Variants in STAG2 observed in about 807,000 individuals in gnomAD.
The protein encoded by STAG2 is cohesin subunit SA-2.
Under a neutral mutation model 108.1 loss-of-function variants are expected in STAG2, and 14 were observed. That is an observed-to-expected ratio of 0.13 (90% CI 0.09 to 0.20). STAG2 has a LOEUF of 0.20. Among genes scored for constraint, STAG2 ranks in the 10% least tolerant of loss-of-function variants. The pLI, the probability that STAG2 is intolerant of heterozygous loss-of-function variation, is 1.00. For missense variants in STAG2, 440 were observed against 940.9 expected (o/e 0.47, Z 6.96); for synonymous variants, 307 against 302.7 (o/e 1.01, Z -0.15).
At chrX:123,979,845 G>A (rs1457780443) in intron 1 of STAG2, among the ~76,000 whole-genome samples, 1 of 111,722 alleles carries the variant, frequency 9.0e-6, no homozygotes, top group African/African-American at 3.3e-5. Flanking sequence ...CAGAGGGTTA[G>A]CTTTGAACAG....
intron 1 of STAG2, among the ~76,000 whole-genome samples, chrX:123,982,664 G>A (rs2054937078): frequency 1.8e-5 from 2 of 110,646 alleles, no homozygotes; most frequent in South Asian, 7.6e-4. Context: ...TGAGATTATA[G>A]GCGTGAGCCA....
intron 24 of STAG2, among the ~76,000 whole-genome samples, chrX:124,069,305 T>C (rs2058611451): frequency 8.9e-6 from 1 of 112,268 alleles, no homozygotes; most frequent in Admixed American, 9.5e-5. Flanking sequence ...GAAGATGTTT[T>C]CACAAGCATT....
intron 1 of STAG2, among the ~76,000 whole-genome samples, chrX:123,967,417 C>A (rs1436330918): frequency 9.2e-6 from 1 of 109,196 alleles, no homozygotes; most frequent in East Asian, 2.9e-4. Flanking sequence ...AGGCATGTGC[C>A]ACCACACCGG....
In STAG2 at chrX:124,029,541, G is replaced by A. The variant is rs1239241332; in HGVS notation, c.124-1420G>A. Among the ~76,000 whole-genome samples, 3 of 110,863 alleles carry A rather than the reference G, an allele frequency of 2.7e-5. No individual in the cohort carries two copies. The East Asian group carries it at 8.5e-4, about 31-fold the overall frequency. Reference sequence around the variant, plus strand: ...GGCCAGGCTGGTCTCGAACTTCTGAGCTCAGGCAATCCGCCCACCTCGGCC... The same window carrying A: ...GGCCAGGCTGGTCTCGAACTTCTGAACTCAGGCAATCCGCCCACCTCGGCC... On this transcript the variant is annotated intron_variant, in intron 4 of 34. Transcript: ENST00000371145.
rs2148446048 is a variant in STAG2, at chrX:124,083,487, G to T, written c.2991G>T (p.Leu997Phe). ...PQGESHPPLN[L>F]AFLDILSEFS... ...GGGAGAGCCATCCACCTTTAAATTT[G>T]GCATTTCTTGATATTCTGAGTGAAT... Residue 997 changes from leucine to phenylalanine, a missense_variant, in exon 29 of 35, where the codon TTG (leucine) becomes TTT (phenylalanine). Around this residue, in one of 3 missense-constraint regions of STAG2, gnomAD observed 337 missense variants for 649.3 expected, o/e 0.52. Coordinates refer to ENST00000371145, the MANE Select transcript of STAG2 (RefSeq NM_001042750.2). 1 of 1,197,569 alleles carries T rather than the reference G, an allele frequency of 8.4e-7. No homozygotes were observed. The highest frequency in any genetic ancestry group is 1.8e-5 in the South Asian group (1 of 55,614).
In STAG2 at chrX:124,089,154, C is replaced by A. The variant is rs182495102; in HGVS notation, c.3278-1421C>A. On this transcript the variant is annotated intron_variant, in intron 30 of 34. Transcript: ENST00000371145. ...TCGAACTCCTGACCTCGTGATCCGC[C>A]TGTCTCAGCCTCCCAAAGTGCTGGG... is the stretch of plus-strand genomic sequence containing the variant. 1.2e-3 allele frequency among the ~76,000 whole-genome samples: 133 copies of A among 110,357 alleles called. 1 individual carries two copies. The highest frequency in any genetic ancestry group is 4.0e-3 in the African/African-American group (122 of 30,317).
At chrX:124,023,136 C>T (rs888510583) in intron 3 of STAG2, among the ~76,000 whole-genome samples, 2 of 111,977 alleles carry the variant, frequency 1.8e-5, no homozygotes, top group Non-Finnish European at 3.8e-5. Flanking sequence ...CCTCTTTACC[C>T]CCATCTGAAA....
At chrX:124,050,577 A>G (rs773766873) in intron 11 of STAG2, among the ~76,000 whole-genome samples, 2 of 111,319 alleles carry the variant, frequency 1.8e-5, no homozygotes, top group South Asian at 3.8e-4. Context: ...GGAGTGAGGC[A>G]TTTCTTAGGG....
intron 13 of STAG2, among the ~76,000 whole-genome samples, chrX:124,052,266 C>T (rs1569513289): frequency 8.9e-6 from 1 of 112,016 alleles, no homozygotes; most frequent in Non-Finnish European, 1.9e-5. Flanking sequence ...ACTGCCACCA[C>T]TATCCATTGT....
At chrX:124,076,200 G>T (rs1215586099) in intron 25 of STAG2, 132 bp from the exon 26 acceptor site, 3 of 625,444 alleles carry the variant, frequency 4.8e-6, no homozygotes, top group Non-Finnish European at 7.2e-6. Context: ...ATTATGAATG[G>T]TTATAATTTT....
At chrX:124,015,530 G>A (rs143496729) in intron 1 of STAG2, among the ~76,000 whole-genome samples, 59 of 108,824 alleles carry the variant, frequency 5.4e-4, no homozygotes, top group Non-Finnish European at 9.7e-4. Flanking sequence ...GATTACAGGT[G>A]CATGCCACCA....
At chrX:124,095,696 C>T (rs745919195) in intron 34 of STAG2, among the ~76,000 whole-genome samples, 2 of 111,207 alleles carry the variant, frequency 1.8e-5, no homozygotes, top group East Asian at 5.6e-4. Flanking sequence ...TTGGACTGTT[C>T]TTCCAGGTTT....
chrX:124,007,822 A>G (rs2056360956), intron 1 of STAG2, among the ~76,000 whole-genome samples: 1 of 112,200 alleles, frequency 8.9e-6, no homozygotes, highest in African/African-American at 3.2e-5. Context: ...GAGTTGTGTT[A>G]ATGCTGTTTT....
Position 124,051,276 on chromosome X carries a change from G to A in STAG2, c.1117-39G>A, listed in dbSNP as rs1227509452. The A allele has an allele frequency of 2.6e-6, 3 of 1,170,701 alleles. No individual in the cohort carries two copies. The African/African-American group carries it at 5.4e-5, about 21-fold the overall frequency. On this transcript the variant is annotated intron_variant, in intron 12 of 34. Transcript: ENST00000371145. ...TGTCATTTGCAAACACTTTTCTCTT[G>A]CTTTCCTTTTAAAAATATTTTAATT...
At chrX:124,011,872 C>G (rs1318223731) in intron 1 of STAG2, among the ~76,000 whole-genome samples, 1 of 111,776 alleles carries the variant, frequency 8.9e-6, no homozygotes, top group Non-Finnish European at 1.9e-5. Context: ...ACCCAATCTC[C>G]TATTAAAGAC....
rs747648873 is a variant in STAG2, at chrX:124,051,099, CT to C, written c.1018-3del. ...ATAGAGTTTTAATGCATTGTCTCATCTTTTTTTTTTTTTTTTTTTAGCAAGG... is the reference window on the plus strand; with the variant it reads ...ATAGAGTTTTAATGCATTGTCTCATCTTTTTTTTTTTTTTTTTTAGCAAGG... On this transcript the variant is annotated intron_variant, in intron 11 of 34. Coordinates refer to ENST00000371145, the MANE Select transcript of STAG2 (RefSeq NM_001042750.2). 58,996 of 471,660 alleles carry C rather than the reference CT, an allele frequency of 0.13. 1 individual carries two copies. The highest frequency in any genetic ancestry group is 0.16 in the East Asian group (3,491 of 21,182). The allele number at this position is 471,660 out of a possible 1,213,427, so 38.9% of individuals were successfully genotyped here.
In STAG2 at chrX:124,102,594, A is replaced by G. The variant is rs746754525; in HGVS notation, c.*1997A>G. ...ATCACATCTTTTAATGTGTTTGGGG[A>G]ATAATTTATAGAGAATACCATCAGT... is the stretch of plus-strand genomic sequence containing the variant. On this transcript the variant is annotated 3_prime_UTR_variant, in exon 35 of 35. Coordinates refer to ENST00000371145, the MANE Select transcript of STAG2 (RefSeq NM_001042750.2). The G allele has an allele frequency of 7.6e-5, 11 of 144,052 alleles. No homozygotes were observed. Among genetic ancestry groups the G allele is most frequent in the Non-Finnish European group, 1.4e-4 (10 of 72,479 alleles). The allele number at this position is 144,052 out of a possible 1,213,427, so 11.9% of individuals were successfully genotyped here.
At chrX:123,998,612 A>G (rs898553649) in intron 1 of STAG2, among the ~76,000 whole-genome samples, 3 of 106,474 alleles carry the variant, frequency 2.8e-5, no homozygotes, top group South Asian at 4.2e-4. Flanking sequence ...CTATCTATCT[A>G]TCTATCTATC....
At chrX:124,066,912 T>C (rs2058546298) in intron 23 of STAG2, among the ~76,000 whole-genome samples, 2 of 111,909 alleles carry the variant, frequency 1.8e-5, no homozygotes, top group Admixed American at 1.9e-4. Context: ...TTTTAAAGCT[T>C]TACCCATAAT....
Sources: gnomAD v4.1 joint callset for allele counts (sites outside exome capture counted in the v4.1 genomes callset) on GRCh38, gnomAD v4.1.1 for gene constraint, gnomAD v4.1.1 regional missense constraint, MANE v1.5 for transcripts, NCBI Gene and HGNC (gene_info 2026-07-23, HGNC 2026-07-21) for gene names.